UNC13C: variants seen among roughly 807,000 people sequenced by gnomAD.
UNC13C encodes the protein protein unc-13 homolog C.
In UNC13C, 174 loss-of-function variants were observed where a neutral mutation model predicts 245.4. The observed-to-expected ratio is 0.71, with a 90% CI of 0.63 to 0.80. UNC13C has a LOEUF of 0.80. Among genes scored for constraint, UNC13C ranks in the 30% least tolerant of loss-of-function variants. The probability of loss-of-function intolerance (pLI) is 0.00; values close to 1 mark genes in which losing one functional copy is unlikely to be tolerated. For synonymous variants in UNC13C, 992 were observed against 895.1 expected (o/e 1.11, Z -1.93); for missense variants, 2,829 against 2,602.9 (o/e 1.09, Z -1.89).
chr15:53,883,724 G>A, the UNC13C span, among the ~76,000 whole-genome samples: 1 of 152,118 alleles, frequency 6.6e-6, no homozygotes, highest in Non-Finnish European at 1.5e-5. Context: ...AGTTATATTT[G>A]TCTTTGGCTG....
chr15:54,086,925 G>A (rs1381709978), intron 2 of UNC13C, among the ~76,000 whole-genome samples: 3 of 151,496 alleles, frequency 2.0e-5, no homozygotes, highest in Admixed American at 6.6e-5. Context: ...TAGTAGAGAC[G>A]GGGTTTCACC....
intron 19 of UNC13C, among the ~76,000 whole-genome samples, chr15:54,423,521 T>C (rs970055692): frequency 5.9e-5 from 9 of 151,866 alleles, no homozygotes; most frequent in Non-Finnish European, 1.2e-4. Context: ...ATAAAAAATG[T>C]TATATTTATG....
At chr15:54,268,021 T>C (rs989402985) in intron 10 of UNC13C, among the ~76,000 whole-genome samples, 4 of 152,000 alleles carry the variant, frequency 2.6e-5, no homozygotes, top group African/African-American at 9.7e-5. Context: ...TAGGTATACA[T>C]GTTCCATGGT....
At chr15:53,848,156 G>T in the UNC13C span, among the ~76,000 whole-genome samples, 1 of 151,876 alleles carries the variant, frequency 6.6e-6, no homozygotes, top group Admixed American at 6.6e-5. Context: ...TCTTTTTAAA[G>T]AACCAGTTTT....
chr15:54,227,704 C>T (rs536741348), intron 4 of UNC13C, among the ~76,000 whole-genome samples: 5 of 152,284 alleles, frequency 3.3e-5, no homozygotes, highest in African/African-American at 9.6e-5. Flanking sequence ...GGGGGCTTCC[C>T]GGGCCCCCAA....
At chr15:54,122,625 C>T (rs2030748875) in intron 2 of UNC13C, among the ~76,000 whole-genome samples, 1 of 152,004 alleles carries the variant, frequency 6.6e-6, no homozygotes, top group South Asian at 2.1e-4. Flanking sequence ...TGTCATGCCC[C>T]CTTGTAGTCA....
At chr15:54,168,449 G>T (rs2033266122) in intron 4 of UNC13C, among the ~76,000 whole-genome samples, 1 of 152,110 alleles carries the variant, frequency 6.6e-6, no homozygotes, top group South Asian at 2.1e-4. Context: ...GTAAGATTGG[G>T]ATCTCGCTCA....
intron 4 of UNC13C, among the ~76,000 whole-genome samples, chr15:54,151,486 T>C (rs895577221): frequency 6.6e-6 from 1 of 152,130 alleles, no homozygotes; most frequent in Non-Finnish European, 1.5e-5. Context: ...GACTGCAACC[T>C]CCGCCTCCTG....
At chr15:54,473,220 TTTA>T (rs1177267425) in intron 19 of UNC13C, among the ~76,000 whole-genome samples, 3 of 134,100 alleles carry the variant, frequency 2.2e-5, no homozygotes, top group Non-Finnish European at 5.0e-5. Context: ...TTTATTTTAT[TTTA>T]TTTTATTGAT....
At chr15:53,974,719 G>A (rs1893642619), upstream of UNC13C, 1 of 140,620 alleles carries the variant, frequency 7.1e-6, no homozygotes, top group African/African-American at 2.6e-5. Context: ...TCATTCCTCA[G>A]TTGGAAAAGT....
chr15:54,152,891 G>A (rs1595918067), intron 4 of UNC13C, among the ~76,000 whole-genome samples: 1 of 151,954 alleles, frequency 6.6e-6, no homozygotes, highest in South Asian at 2.1e-4. Context: ...GGTGATAATT[G>A]TATTTTCCAA....
chr15:54,203,882 A>ATGTGTATATGTATATGTG (rs1491342451), intron 4 of UNC13C, among the ~76,000 whole-genome samples: 1 of 103,976 alleles, frequency 9.6e-6, no homozygotes, highest in East Asian at 3.2e-4. Flanking sequence ...ACATATACAC[A>ATGTGTATATGTATATGTG]TGTGTATATG....
In UNC13C at chr15:54,529,399, CA is replaced by C. The variant is rs1233518898; in HGVS notation, c.5547-3513del. Among the ~76,000 whole-genome samples the C allele has an allele frequency of 2.6e-5, 4 of 151,994 alleles. No homozygotes were observed. The South Asian group carries it at 8.3e-4, about 32-fold the overall frequency. ...ATATGGAAAACCAAATATGGAAAAC[CA>C]AAAACTAGAAAAATGAAATACTTAA... On this transcript the variant is annotated intron_variant, in intron 25 of 32. Transcript: ENST00000260323.
intron 4 of UNC13C, among the ~76,000 whole-genome samples, chr15:54,163,101 A>G (rs1271922758): frequency 2.0e-5 from 3 of 152,174 alleles, no homozygotes; most frequent in Admixed American, 6.5e-5. Context: ...GGCAAAAGGC[A>G]CTTTGCAGAT....
chr15:54,113,261 C>T (rs188743142), intron 2 of UNC13C, among the ~76,000 whole-genome samples: 1 of 152,280 alleles, frequency 6.6e-6, no homozygotes, highest in African/African-American at 2.4e-5. Flanking sequence ...AAGAATGCTA[C>T]TGCATCCCCT....
At chr15:54,584,214 G>A (rs780739325) in intron 30 of UNC13C, among the ~76,000 whole-genome samples, 18 of 152,060 alleles carry the variant, frequency 1.2e-4, no homozygotes, top group African/African-American at 1.7e-4. Context: ...TATATAAATC[G>A]CAACAGAAAG....
the UNC13C span, among the ~76,000 whole-genome samples, chr15:53,849,082 A>T: frequency 1.3e-5 from 2 of 151,566 alleles, no homozygotes; most frequent in African/African-American, 4.8e-5. Context: ...TTTAAAGTGA[A>T]TTTATATATG....
chr15:53,944,644 A>G, the UNC13C span, among the ~76,000 whole-genome samples: 1 of 152,240 alleles, frequency 6.6e-6, no homozygotes, highest in East Asian at 1.9e-4. Context: ...TATACGTACC[A>G]CATTTTCTTT....
At chr15:54,632,945 C>T (rs1901483718), downstream of UNC13C, 1 of 152,310 alleles carries the variant, frequency 6.6e-6, no homozygotes, top group Non-Finnish European at 1.5e-5. Context: ...GCAGGCAGAT[C>T]ACCTGAGGTC....
Sources: gnomAD v4.1 joint callset for allele counts (sites outside exome capture counted in the v4.1 genomes callset) on GRCh38, gnomAD v4.1.1 for gene constraint, MANE v1.5 for transcripts, NCBI Gene and HGNC (gene_info 2026-07-23, HGNC 2026-07-21) for gene names.